Variants in TCF20 observed in about 807,000 individuals in gnomAD.
TCF20 encodes transcription factor 20.
Under a neutral mutation model 148.6 loss-of-function variants are expected in TCF20, and 3 were observed. That is an observed-to-expected ratio of 0.02 (90% CI 0.01 to 0.05). TCF20 has a LOEUF of 0.05. Ranked by LOEUF, TCF20 falls within the 10% of genes least tolerant of loss-of-function variation. TCF20 has a pLI of 1.00. For synonymous variants in TCF20, 1,049 were observed against 909.5 expected (o/e 1.15, Z -2.76); for missense variants, 2,350 against 2,429.3 (o/e 0.97, Z 0.69).
intron 1 of TCF20, among the ~76,000 whole-genome samples, chr22:42,223,445 A>G (rs1340251674): frequency 6.6e-6 from 1 of 152,216 alleles, no homozygotes; most frequent in Non-Finnish European, 1.5e-5. Flanking sequence ...CAGATCTCTA[A>G]TAACTGTAGC....
At chr22:42,321,403 T>C (rs190635721) in intron 1 of TCF20, among the ~76,000 whole-genome samples, 1 of 152,288 alleles carries the variant, frequency 6.6e-6, no homozygotes, top group East Asian at 1.9e-4. Flanking sequence ...TCCCGGCTCC[T>C]CTGGCCAGGT....
intron 1 of TCF20, among the ~76,000 whole-genome samples, chr22:42,218,048 G>T (rs1260521608): frequency 2.0e-5 from 3 of 152,216 alleles, no homozygotes; most frequent in African/African-American, 7.2e-5. Flanking sequence ...TTGTTCCAGT[G>T]AATCTGCAGG....
At chr22:42,254,081 A>C (rs1925586292) in intron 1 of TCF20, among the ~76,000 whole-genome samples, 2 of 145,948 alleles carry the variant, frequency 1.4e-5, no homozygotes, top group African/African-American at 5.4e-5. Context: ...CCTTTCAAAA[A>C]AAAAAAAAAA....
In TCF20 at chr22:42,212,332, G is replaced by A. The variant is rs369800379; in HGVS notation, c.2974C>T (p.Pro992Ser). The change falls in exon 2 of 6, where the codon CCT becomes TCT. Residue 992 changes from proline to serine, a missense_variant. Around this residue, in one of 7 missense-constraint regions of TCF20, gnomAD observed 1,641 missense variants for 1,662.6 expected, o/e 0.99. Coordinates refer to ENST00000677622, the MANE Select transcript of TCF20 (RefSeq NM_001378418.1). The stretch of plus-strand genomic sequence containing the variant: ...CCCTCCCGACCACCAACTCTGCCAG[G>A]GACCCGCCGCATTGGCGTGGGTCTG... Reference protein sequence around the residue: ...DSRPTPMRRVPGRVGGREGMR... With the variant: ...DSRPTPMRRVSGRVGGREGMR... 6.8e-6 allele frequency: 11 copies of A among 1,614,030 alleles called. No homozygotes were observed. The highest frequency in any genetic ancestry group is 9.3e-6 in the Non-Finnish European group (11 of 1,180,030).
chr22:42,327,404 C>G (rs1023425757), intron 1 of TCF20, among the ~76,000 whole-genome samples: 1 of 152,168 alleles, frequency 6.6e-6, no homozygotes, highest in Non-Finnish European at 1.5e-5. Context: ...CCCCAACCTG[C>G]CAATGAGATA....
rs1197548426 is a variant in TCF20, at chr22:42,160,051, G to T, written c.*1352C>A. 3 of 152,470 alleles carry T rather than the reference G, an allele frequency of 2.0e-5. No homozygotes were observed. The highest frequency in any genetic ancestry group is 6.6e-5 in the Admixed American group (1 of 15,260). The allele number at this position is 152,470 out of a possible 1,614,324, so 9.4% of individuals were successfully genotyped here. A position where few individuals can be genotyped will look rare whatever the true frequency, so the allele number is the denominator to read the frequency against. On this transcript the variant is annotated 3_prime_UTR_variant, in exon 6 of 6. Transcript: ENST00000677622. ...AAGTTTATTATTTTTTTGATTTTTT[G>T]ATTTTTTTTGTTTTTTGTTTTTTTA...
intron 1 of TCF20, among the ~76,000 whole-genome samples, chr22:42,298,005 A>G (rs1284790927): frequency 6.6e-6 from 1 of 152,164 alleles, no homozygotes; most frequent in Admixed American, 6.5e-5. Context: ...GGGGCTTTTC[A>G]GCATCTGTCT....
intron 1 of TCF20, among the ~76,000 whole-genome samples, chr22:42,254,873 G>C (rs1281657026): frequency 1.3e-5 from 2 of 149,012 alleles, no homozygotes; most frequent in Admixed American, 1.4e-4. Context: ...GCTGAGGCAG[G>C]AGAATGGCGT....
upstream of TCF20, among the ~76,000 whole-genome samples, chr22:42,285,653 T>G (rs1927017180): frequency 6.6e-6 from 1 of 152,144 alleles, no homozygotes; most frequent in Non-Finnish European, 1.5e-5. The surrounding 1 kb of genome is among the most constrained non-coding windows in gnomAD (Gnocchi z 4.2). Context: ...TTATTTTTTT[T>G]GTAGGGATAG....
intron 5 of TCF20, among the ~76,000 whole-genome samples, chr22:42,167,846 C>T (rs1417993707): frequency 6.6e-6 from 1 of 151,964 alleles, no homozygotes; most frequent in African/African-American, 2.4e-5. Flanking sequence ...GCTCAGCCTC[C>T]TGAGTAGATG....
At chr22:42,267,231 C>T (rs1430935275) in intron 1 of TCF20, among the ~76,000 whole-genome samples, 1 of 152,188 alleles carries the variant, frequency 6.6e-6, no homozygotes, top group African/African-American at 2.4e-5. Context: ...CGCACCACTG[C>T]ACTCCCAGCT....
At chr22:42,189,892 C>T (rs1027178472) in intron 2 of TCF20, among the ~76,000 whole-genome samples, 1 of 151,950 alleles carries the variant, frequency 6.6e-6, no homozygotes, top group African/African-American at 2.4e-5. Context: ...AAAACAAAGA[C>T]AAGAAATAAG....
intron 1 of TCF20, among the ~76,000 whole-genome samples, chr22:42,267,657 T>C (rs897645351): frequency 1.3e-5 from 2 of 151,912 alleles, no homozygotes; most frequent in Admixed American, 6.6e-5. Flanking sequence ...GCCGAGATAG[T>C]GCCACTGCAC....
chr22:42,292,730 G>A lies in TCF20; in HGVS notation c.-37+50749C>T, dbSNP rs1927154629. Among the ~76,000 whole-genome samples, 1 of 151,958 alleles carries A rather than the reference G, an allele frequency of 6.6e-6. No individual in the cohort carries two copies. The highest frequency in any genetic ancestry group is 2.1e-4 in the South Asian group (1 of 4,812). On this transcript the variant is annotated intron_variant, in intron 1 of 1. Coordinates refer to the TCF20 transcript ENST00000515426. The surrounding 1 kb of genome is among the most constrained non-coding windows in gnomAD (Gnocchi z 4.9). ...AGGACCCCACGGCTAGGAAGACAAG[G>A]CTCGGATTGGATTCTCAGGCCTCTC... is the stretch of plus-strand genomic sequence containing the variant.
At chr22:42,234,956 T>C (rs1174892008) in intron 1 of TCF20, among the ~76,000 whole-genome samples, 3 of 151,954 alleles carry the variant, frequency 2.0e-5, no homozygotes, top group Non-Finnish European at 2.9e-5. Flanking sequence ...CTGGCCAACA[T>C]GGTGAAACCC....
intron 2 of TCF20, among the ~76,000 whole-genome samples, chr22:42,198,163 G>C (rs777224961): frequency 6.6e-6 from 1 of 152,166 alleles, no homozygotes; most frequent in Non-Finnish European, 1.5e-5. Flanking sequence ...AGAAATCACA[G>C]ATTAGAATGA....
chr22:42,329,877 C>CT (rs898553646), intron 1 of TCF20, among the ~76,000 whole-genome samples: 24 of 152,124 alleles, frequency 1.6e-4, no homozygotes, highest in Non-Finnish European at 1.5e-4. Flanking sequence ...CCCGAAATGG[C>CT]TGTGGGCTCA....
Position 42,221,126 on chromosome 22 carries a change from A to C in TCF20, c.-36-5785T>G, listed in dbSNP as rs146408172. 6.9e-4 allele frequency among the ~76,000 whole-genome samples: 105 copies of C among 152,314 alleles called. 2 individuals carry two copies. Among genetic ancestry groups the C allele is most frequent in the Admixed American group, 6.7e-3 (102 of 15,298 alleles). ...GCATGGTTCTGGGTTAGAGTTTGCA[A>C]TGAGAAGTGCAAGAGAGATTTAGAA... On this transcript the variant is annotated intron_variant, in intron 1 of 5. Coordinates refer to ENST00000677622, the MANE Select transcript of TCF20 (RefSeq NM_001378418.1).
chr22:42,251,285 C>T (rs1238650325), intron 1 of TCF20, among the ~76,000 whole-genome samples: 1 of 152,120 alleles, frequency 6.6e-6, no homozygotes, highest in African/African-American at 2.4e-5. Flanking sequence ...CTCCCAGACC[C>T]AAGAGATCCT....
Sources: allele counts gnomAD v4.1 joint callset (sites outside exome capture counted in the v4.1 genomes callset), GRCh38; gene constraint gnomAD v4.1.1; regional missense constraint gnomAD v4.1.1; non-coding constraint Gnocchi (gnomAD v3.1); transcripts MANE v1.5; gene names NCBI Gene and HGNC (gene_info 2026-07-23, HGNC 2026-07-21).